The following NTRK3 variants were observed in gnomAD, a reference collection of about 807,000 sequenced individuals.
NTRK3 encodes NT-3 growth factor receptor.
NTRK3 carries 24 observed loss-of-function variants against 91.7 expected under a neutral mutation model. The ratio of observed to expected loss-of-function variants is 0.26; its 90% CI spans 0.19 to 0.37. The LOEUF (loss-of-function observed/expected upper bound fraction) is 0.37, where lower values mean the gene tolerates loss of function less well. NTRK3 is among the 10% of genes least tolerant of loss of function. NTRK3 has a pLI of 1.00. For synonymous variants in NTRK3, 483 were observed against 404.0 expected, an observed-to-expected ratio of 1.20 and a Z score of -2.34; for missense variants, 880 against 1,068.9, an observed-to-expected ratio of 0.82 and a Z score of 2.46.
At chr15:88,136,112 T>C in intron 8 of NTRK3, 72 bp from the exon 9 acceptor site, 3 of 1,558,482 alleles carry the variant, frequency 1.9e-6, no homozygotes, top group Non-Finnish European at 2.7e-6. Context: ...AATCCCCAAA[T>C]ACCTTTAGGA....
chr15:88,229,987 G>C (rs2051033359), intron 3 of NTRK3, among the ~76,000 whole-genome samples: 1 of 152,224 alleles, frequency 6.6e-6, no homozygotes, highest in African/African-American at 2.4e-5. Flanking sequence ...GTTGGACAAA[G>C]AGTCCAGAGA....
chr15:88,183,181 G>C (rs980708484), intron 5 of NTRK3, among the ~76,000 whole-genome samples: 5 of 152,136 alleles, frequency 3.3e-5, no homozygotes, highest in Non-Finnish European at 7.3e-5. Context: ...GGTGTCAGGA[G>C]ACTGACTCTC....
chr15:87,866,924 A>G (rs192561602), exon 19 of NTRK3: 73 of 213,888 alleles, frequency 3.4e-4, no homozygotes, highest in African/African-American at 1.6e-3. Context: ...CTATAGAAAT[A>G]TAGCATATCC....
intron 15 of NTRK3, among the ~76,000 whole-genome samples, chr15:87,939,347 A>G (rs8024898): frequency 0.55 from 83,965 of 151,948 alleles, 23,984 homozygotes; most frequent in African/African-American, 0.71. Flanking sequence ...TTCTAAGGAG[A>G]GGATATTATT....
At chr15:87,990,868 TTTG>T (rs751712685) in intron 14 of NTRK3, among the ~76,000 whole-genome samples, 5 of 152,202 alleles carry the variant, frequency 3.3e-5, no homozygotes, top group Non-Finnish European at 7.3e-5. Flanking sequence ...TACCATACCA[TTTG>T]TTTTCATCCC....
At chr15:87,880,141 C>G (rs952469485) in intron 18 of NTRK3, 129 bp downstream of exon 19, 1 of 1,170,516 alleles carries the variant, frequency 8.5e-7, no homozygotes, top group Non-Finnish European at 1.3e-6. Flanking sequence ...TCTGCTCCCA[C>G]TAATGCCTGC....
intron 14 of NTRK3, among the ~76,000 whole-genome samples, chr15:87,998,087 G>A (rs573232825): frequency 2.6e-5 from 4 of 152,194 alleles, no homozygotes; most frequent in African/African-American, 9.7e-5. Flanking sequence ...TGAGCATTGT[G>A]GGATATTTAG....
chr15:88,220,516 C>T (rs952722309), intron 3 of NTRK3, among the ~76,000 whole-genome samples: 14 of 152,106 alleles, frequency 9.2e-5, no homozygotes, highest in African/African-American at 2.9e-4. Context: ...TTGGAAGCCT[C>T]GGATCTGAAA....
exon 19 of NTRK3, chr15:87,868,685 A>G (rs966607480): frequency 1.7e-4 from 38 of 219,896 alleles, no homozygotes; most frequent in African/African-American, 7.6e-4. Flanking sequence ...AAAAGTTGCA[A>G]TTTCAGCTTT....
chr15:88,085,335 G>A (rs998122936), intron 13 of NTRK3, among the ~76,000 whole-genome samples: 5 of 152,230 alleles, frequency 3.3e-5, no homozygotes, highest in Non-Finnish European at 5.9e-5. Context: ...GCTTGGCCCA[G>A]TGACTTGCTT....
intron 17 of NTRK3, among the ~76,000 whole-genome samples, chr15:87,918,888 G>T (rs554972372): frequency 6.6e-6 from 1 of 152,272 alleles, no homozygotes; most frequent in Admixed American, 6.5e-5. Context: ...GTTAACTAGA[G>T]TTGAGGTTAA....
chr15:87,959,563 C>T (rs904681107), intron 14 of NTRK3, among the ~76,000 whole-genome samples: 3 of 152,140 alleles, frequency 2.0e-5, no homozygotes, highest in African/African-American at 7.2e-5. Flanking sequence ...GAGCTTAAGA[C>T]GACAGCCATC....
chr15:88,165,026 C>T (rs2044801666), intron 5 of NTRK3, among the ~76,000 whole-genome samples: 1 of 152,154 alleles, frequency 6.6e-6, no homozygotes, highest in Admixed American at 6.5e-5. Context: ...GAGTCAACCC[C>T]CATCCCACTT....
At chr15:87,860,818 TAGG>T (rs1327657214) in exon 19 of NTRK3, 1 of 214,772 alleles carries the variant, frequency 4.7e-6, no homozygotes, top group Non-Finnish European at 9.4e-6. Context: ...GAGCATCACG[TAGG>T]AGTATTTCTA....
At chr15:88,136,426 C>T (rs1178281125) in intron 8 of NTRK3, 41 bp downstream of exon 8, 1 of 1,613,868 alleles carries the variant, frequency 6.2e-7, no homozygotes, top group East Asian at 2.2e-5. Context: ...AGTGTGATCA[C>T]TCCCTAGCCT....
intron 14 of NTRK3, among the ~76,000 whole-genome samples, chr15:87,985,923 T>C (rs374745539): frequency 2.5e-4 from 38 of 152,280 alleles, no homozygotes; most frequent in African/African-American, 9.1e-4. Flanking sequence ...CTAAGACTAT[T>C]CCAATGATAA....
intron 13 of NTRK3, among the ~76,000 whole-genome samples, chr15:88,055,785 GAAAGGAGGCATTTA>G (rs1567304793): frequency 6.6e-6 from 1 of 152,144 alleles, no homozygotes; most frequent in Non-Finnish European, 1.5e-5. Flanking sequence ...CCTAGACTGG[GAAAGGAGGCATTTA>G]AACGGGGCAG....
At chr15:88,135,341 C>T (rs1161765368) in exon 10 of NTRK3, 5 of 1,614,068 alleles carry the variant, frequency 3.1e-6, no homozygotes, top group African/African-American at 2.7e-5. Flanking sequence ...ACCACAAACT[C>T]GATGCAGTGC....
At chr15:88,128,618 G>A (rs868089861) in intron 11 of NTRK3, 93 bp downstream of exon 11, 1 of 1,315,590 alleles carries the variant, frequency 7.6e-7, no homozygotes, top group East Asian at 2.3e-5. Context: ...GGCCAGGGAT[G>A]ATGTGGAATA....
Sources: allele counts gnomAD v4.1 joint callset (sites outside exome capture counted in the v4.1 genomes callset), GRCh38; gene constraint gnomAD v4.1.1; transcripts MANE v1.5; gene names NCBI Gene and HGNC (gene_info 2026-07-23, HGNC 2026-07-21).